The following PRPSAP2 variants were observed in gnomAD, a reference collection of about 807,000 sequenced individuals.
The protein encoded by PRPSAP2 is phosphoribosyl pyrophosphate synthetase associated protein 2.
A neutral mutation model predicts 40.6 loss-of-function variants in PRPSAP2; 24 were observed. The ratio of observed to expected loss-of-function variants is 0.59; its 90% CI spans 0.43 to 0.83. The LOEUF (loss-of-function observed/expected upper bound fraction) is 0.83, where lower values mean the gene tolerates loss of function less well. PRPSAP2 is among the 40% of genes least tolerant of loss of function. The probability of loss-of-function intolerance (pLI) is 0.00; values close to 1 mark genes in which losing one functional copy is unlikely to be tolerated. For synonymous variants in PRPSAP2, 149 were observed against 164.7 expected (o/e 0.90, Z 0.73); for missense variants, 292 against 465.6 (o/e 0.63, Z 3.43).
chr17:18,928,525 G>C (rs2042088358), intron 10 of PRPSAP2: 1 of 404,682 alleles, frequency 2.5e-6, no homozygotes, highest in Non-Finnish European at 4.7e-6. Flanking sequence ...GCACAATGTT[G>C]GCCAGTTATG....
intron 5 of PRPSAP2, among the ~76,000 whole-genome samples, chr17:18,873,191 C>CT (rs34126027): frequency 0.36 from 38,947 of 108,098 alleles, 7,825 homozygotes; most frequent in Non-Finnish European, 0.39. Context: ...AGTAGAGGCT[C>CT]TTTTTTTTTT....
intron 8 of PRPSAP2, among the ~76,000 whole-genome samples, chr17:18,903,381 A>T (rs1567723330): frequency 6.6e-6 from 1 of 151,526 alleles, no homozygotes; most frequent in Admixed American, 6.6e-5. Flanking sequence ...TCAGTTTTAT[A>T]TGGAACAGGT....
chr17:18,889,819 C>T lies in PRPSAP2; in HGVS notation c.529-3C>T. 1 of 1,606,974 alleles carries T rather than the reference C, an allele frequency of 6.2e-7. No homozygotes were observed. Among genetic ancestry groups the T allele is most frequent in the Non-Finnish European group, 8.5e-7 (1 of 1,176,460 alleles). On this transcript the variant is annotated splice_polypyrimidine_tract_variant and splice_region_variant and intron_variant, in intron 7 of 11. Coordinates refer to ENST00000268835, the MANE Select transcript of PRPSAP2 (RefSeq NM_002767.4). ...GTAATACCTGACTTCTTGTCTGTCA[C>T]AGATCCCAGATTACAGGAATGCAGT...
chr17:18,867,059 G>A lies in PRPSAP2; in HGVS notation c.120-223G>A, dbSNP rs896846491. On this transcript the variant is annotated intron_variant, in intron 3 of 11. Transcript: ENST00000268835. ...AGTGTCCAAGGAAGATGGCTAGTGAGGCAGGCAGAGCGGGACTGCATAGTC... is the reference window on the plus strand; with the variant it reads ...AGTGTCCAAGGAAGATGGCTAGTGAAGCAGGCAGAGCGGGACTGCATAGTC... Among the ~76,000 whole-genome samples, 3 of 152,146 alleles carry A rather than the reference G, an allele frequency of 2.0e-5. No individual in the cohort carries two copies. In the East Asian group the frequency reaches 5.8e-4, roughly 29 times the overall value.
chr17:18,929,044 G>C (rs2042118133), intron 11 of PRPSAP2, 87 bp downstream of exon 11: 1 of 1,515,388 alleles, frequency 6.6e-7, no homozygotes, highest in African/African-American at 1.4e-5. Context: ...GGACAAGACT[G>C]AGATCTTTTG....
At chr17:18,900,909 T>C (rs2040229934) in intron 8 of PRPSAP2, among the ~76,000 whole-genome samples, 1 of 152,068 alleles carries the variant, frequency 6.6e-6, no homozygotes, top group South Asian at 2.1e-4. Context: ...GGGGTAGAAG[T>C]CCAGATTTCA....
At chr17:18,903,253 G>A (rs1267662901) in intron 8 of PRPSAP2, among the ~76,000 whole-genome samples, 3 of 147,854 alleles carry the variant, frequency 2.0e-5, no homozygotes, top group Admixed American at 6.6e-5. Context: ...CGGAGGTTGC[G>A]GTGAGCCCAG....
At chr17:18,871,399 A>C (rs1384586571) in intron 4 of PRPSAP2, among the ~76,000 whole-genome samples, 1 of 152,106 alleles carries the variant, frequency 6.6e-6, no homozygotes, top group African/African-American at 2.4e-5. Flanking sequence ...TTTTTTAAAA[A>C]ATATCTCTTT....
intron 8 of PRPSAP2, among the ~76,000 whole-genome samples, chr17:18,907,414 A>G (rs1044924238): frequency 2.0e-5 from 3 of 152,250 alleles, no homozygotes; most frequent in African/African-American, 7.2e-5. Context: ...GCAAACACTG[A>G]TAACTGCAAG....
rs1277364106 is a variant in PRPSAP2 at position 18,892,726 on chromosome 17, TG to T, written c.584+2850del. On this transcript the variant is annotated intron_variant, in intron 8 of 11. Transcript: ENST00000268835. ...GTGTGTGTGTGTGTGTGTGTGTGTG[TG>T]TATTTATTTATTTATTTATTTTTTT... Among the ~76,000 whole-genome samples, 454 of 101,006 alleles carry T rather than the reference TG, an allele frequency of 4.5e-3. 7 individuals carry two copies. Among genetic ancestry groups the T allele is most frequent in the African/African-American group, 0.015 (401 of 26,518 alleles). 66.3% of individuals were successfully genotyped at this position (101,006 alleles called of 152,430 possible).
At position 18,911,504 on chromosome 17, in the gene PRPSAP2, G is replaced by A. The variant is rs1186063373; in HGVS notation, c.733+253G>A. Reference sequence around the variant, plus strand: ...TATTGAGACAGTTGCAATGCTTCAGGGAAGTCCATTCATTCATTCAGCAGT... The same window carrying A: ...TATTGAGACAGTTGCAATGCTTCAGAGAAGTCCATTCATTCATTCAGCAGT... On this transcript the variant is annotated intron_variant, in intron 9 of 11. Transcript: ENST00000268835. This position sits in a 1 kb window ranked among gnomAD's most constrained non-coding sequence, Gnocchi z 4.5. Among the ~76,000 whole-genome samples, 2 of 152,118 alleles carry A rather than the reference G, an allele frequency of 1.3e-5. No homozygotes were observed. Among genetic ancestry groups the A allele is most frequent in the South Asian group, 2.1e-4 (1 of 4,834 alleles).
chr17:18,930,299 A>G (rs9900835), intron 11 of PRPSAP2, among the ~76,000 whole-genome samples: 27,343 of 152,168 alleles, frequency 0.18, 2,696 homozygotes, highest in African/African-American at 0.24. Context: ...GCATGAACCC[A>G]GGAGGCAGAG....
At chr17:18,877,555 A>T (rs1441194409) in intron 5 of PRPSAP2, 143 bp from the exon 6 acceptor site, 1 of 679,598 alleles carries the variant, frequency 1.5e-6, no homozygotes, top group African/African-American at 1.8e-5. Flanking sequence ...AGGCCTGAGA[A>T]AAGAGGAATT....
At chr17:18,896,592 T>A (rs1357999866) in intron 8 of PRPSAP2, among the ~76,000 whole-genome samples, 3 of 149,796 alleles carry the variant, frequency 2.0e-5, no homozygotes, top group African/African-American at 7.4e-5. Context: ...TTTTTTTTTT[T>A]TTTTTTTTGT....
chr17:18,877,565 T>G, intron 5 of PRPSAP2, 133 bp from the exon 6 acceptor site: 4 of 723,806 alleles, frequency 5.5e-6, no homozygotes, highest in South Asian at 2.3e-5. Context: ...AAAGAGGAAT[T>G]TATTGGTTGG....
chr17:18,911,961 TC>T lies in PRPSAP2; in HGVS notation c.733+711del, dbSNP rs1597716018. The stretch of plus-strand genomic sequence containing the variant: ...ACTTTGGGAGGCCGAGGCGGGTGAA[TC>T]ACCTGAGGTCAGGAGTTCGAGACCA... On this transcript the variant is annotated intron_variant, in intron 9 of 11. Transcript: ENST00000268835. This position sits in a 1 kb window ranked among gnomAD's most constrained non-coding sequence, Gnocchi z 4.5. Among the ~76,000 whole-genome samples, 1 of 151,902 alleles carries T rather than the reference TC, an allele frequency of 6.6e-6. No individual in the cohort carries two copies. Among genetic ancestry groups the T allele is most frequent in the African/African-American group, 2.4e-5 (1 of 41,310 alleles).
Position 18,909,182 on chromosome 17 carries a change from C to T in PRPSAP2, c.585-1921C>T, listed in dbSNP as rs1358667639. ...GTGAAGATGTGGAGGAACTGGATCTCTCATGTTCTGCTCATGGGACTGTAA... is the reference window on the plus strand; with the variant it reads ...GTGAAGATGTGGAGGAACTGGATCTTTCATGTTCTGCTCATGGGACTGTAA... On this transcript the variant is annotated intron_variant, in intron 8 of 11. Coordinates refer to ENST00000268835, the MANE Select transcript of PRPSAP2 (RefSeq NM_002767.4). 2.6e-5 allele frequency among the ~76,000 whole-genome samples: 4 copies of T among 151,070 alleles called. No homozygotes were observed. In the East Asian group the frequency reaches 5.8e-4, roughly 22 times the overall value.
At chr17:18,917,597 T>A (rs1409212194) in intron 9 of PRPSAP2, 137 of 111,508 alleles carry the variant, frequency 1.2e-3, no homozygotes, top group African/African-American at 4.2e-3. Flanking sequence ...TTTTTTTTTT[T>A]TTTTTTTTTT....
chr17:18,913,629 GTC>G (rs1460889683), intron 9 of PRPSAP2, among the ~76,000 whole-genome samples: 8 of 140,312 alleles, frequency 5.7e-5, no homozygotes. Flanking sequence ...GCTCATTGCA[GTC>G]TCACCTCCTG....
Sources: allele counts gnomAD v4.1 joint callset (sites outside exome capture counted in the v4.1 genomes callset), GRCh38; gene constraint gnomAD v4.1.1; non-coding constraint Gnocchi (gnomAD v3.1); transcripts MANE v1.5; gene names NCBI Gene and HGNC (gene_info 2026-07-23, HGNC 2026-07-21).